The following NYAP2 variants were observed in gnomAD, a reference collection of about 807,000 sequenced individuals.
NYAP2 encodes the protein neuronal tyrosine-phosphorylated phosphoinositide-3-kinase adapter 2.
A neutral mutation model predicts 50.4 loss-of-function variants in NYAP2; 23 were observed. The ratio of observed to expected loss-of-function variants is 0.46; its 90% CI spans 0.33 to 0.65. The LOEUF (loss-of-function observed/expected upper bound fraction) is 0.65. Among genes scored for constraint, NYAP2 ranks in the 30% least tolerant of loss-of-function variants. The pLI is 0.02. For synonymous variants in NYAP2, 394 were observed against 365.2 expected (o/e 1.08, Z -0.90); for missense variants, 885 against 861.0 (o/e 1.03, Z -0.35).
At chr2:225,513,174 T>C (rs1223852574) in intron 3 of NYAP2, among the ~76,000 whole-genome samples, 197 bp from the exon 4 acceptor site, 1 of 152,222 alleles carries the variant, frequency 6.6e-6, no homozygotes, top group Non-Finnish European at 1.5e-5. Context: ...GTATTTTTTC[T>C]TTCCTTTGGG....
At chr2:225,439,641 GA>G (rs1168345631) in intron 3 of NYAP2, among the ~76,000 whole-genome samples, 1 of 152,182 alleles carries the variant, frequency 6.6e-6, no homozygotes, top group African/African-American at 2.4e-5. Context: ...ACATGGAGTG[GA>G]GGGGGACAAC....
chr2:225,684,562 T>C, the NYAP2 span, among the ~76,000 whole-genome samples: 12 of 147,658 alleles, frequency 8.1e-5, no homozygotes, highest in East Asian at 2.4e-3. Context: ...AGTTTTTTTG[T>C]TTTTTTTTTG....
At chr2:225,440,591 CTT>C (rs1022440595) in intron 3 of NYAP2, among the ~76,000 whole-genome samples, 15 of 151,986 alleles carry the variant, frequency 9.9e-5, no homozygotes, top group African/African-American at 3.4e-4. Context: ...AGTAAAAAGA[CTT>C]AAGAGCAAGA....
rs541206085 is a variant in NYAP2, at chr2:225,439,031, G to A, written c.221+29930G>A. ...TCAGAGGATGCATACATCTGCATGT[G>A]AGTTGGTATAAGTTGGTGTAAATAT... On this transcript the variant is annotated intron_variant, in intron 3 of 6. Transcript: ENST00000636099. 1.6e-4 allele frequency among the ~76,000 whole-genome samples: 25 copies of A among 152,324 alleles called. 1 individual carries two copies. Among genetic ancestry groups the A allele is most frequent in the Middle Eastern group, 6.8e-3 (2 of 294 alleles).
chr2:225,422,904 G>A (rs1381000131), intron 3 of NYAP2, among the ~76,000 whole-genome samples: 2 of 152,022 alleles, frequency 1.3e-5, no homozygotes, highest in Non-Finnish European at 2.9e-5. Flanking sequence ...CCAATGGCTA[G>A]CTATCAGAAG....
At chr2:225,502,621 A>C (rs1051355119) in intron 3 of NYAP2, among the ~76,000 whole-genome samples, 3 of 152,210 alleles carry the variant, frequency 2.0e-5, no homozygotes, top group Non-Finnish European at 2.9e-5. Flanking sequence ...ATTTCTATAG[A>C]TCCCCACTGC....
chr2:225,420,438 G>A (rs1416205628), intron 3 of NYAP2, among the ~76,000 whole-genome samples: 1 of 151,992 alleles, frequency 6.6e-6, no homozygotes, highest in Non-Finnish European at 1.5e-5. Context: ...TTTTTTTATA[G>A]TTTGATTTCT....
At chr2:225,501,219 T>G (rs1376100537) in intron 3 of NYAP2, among the ~76,000 whole-genome samples, 2 of 152,212 alleles carry the variant, frequency 1.3e-5, no homozygotes, top group East Asian at 3.9e-4. Flanking sequence ...GGCTTAAGGT[T>G]TGAGAGTAAA....
Position 225,574,440 on chromosome 2 carries a change from G to A in NYAP2, c.524-7501G>A, listed in dbSNP as rs139462589. Among the ~76,000 whole-genome samples, 35 of 152,292 alleles carry A rather than the reference G, an allele frequency of 2.3e-4. No homozygotes were observed. The East Asian group carries it at 3.5e-3, about 15-fold the overall frequency. ...TTTTCCTCCCTGGTTTTGATTATCTGTGGTTCTTGATTTTGCTCTCTAAGC... is the reference window on the plus strand; with the variant it reads ...TTTTCCTCCCTGGTTTTGATTATCTATGGTTCTTGATTTTGCTCTCTAAGC... On this transcript the variant is annotated intron_variant, in intron 4 of 6. Transcript: ENST00000636099.
the NYAP2 span, among the ~76,000 whole-genome samples, chr2:225,665,172 A>G: frequency 5.3e-5 from 8 of 152,102 alleles, no homozygotes; most frequent in Non-Finnish European, 1.2e-4. Flanking sequence ...AAAATTTTGC[A>G]TAAGTTTATT....
Position 225,492,197 on chromosome 2 carries a change from G to A in NYAP2, c.222-21174G>A, listed in dbSNP as rs114976551. ...GTGACTGTTCCTTTGCCGGTTGATT[G>A]TAGGAAGCATCTATGTCAGAACCAT... On this transcript the variant is annotated intron_variant, in intron 3 of 6. Coordinates refer to ENST00000636099, the Ensembl canonical transcript of NYAP2. Among the ~76,000 whole-genome samples the A allele has an allele frequency of 4.7e-3, 723 of 152,314 alleles. 6 individuals carry two copies. The highest frequency in any genetic ancestry group is 0.017 in the African/African-American group (694 of 41,562).
intron 3 of NYAP2, among the ~76,000 whole-genome samples, chr2:225,481,711 A>G (rs1336687709): frequency 6.6e-6 from 1 of 152,182 alleles, no homozygotes; most frequent in Admixed American, 6.6e-5. Context: ...GAAAGCCACA[A>G]ATGCAAAATA....
At chr2:225,645,899 GA>G (rs67702463) in intron 6 of NYAP2, among the ~76,000 whole-genome samples, 86,658 of 151,762 alleles carry the variant, frequency 0.57, 24,902 homozygotes, top group Admixed American at 0.68. Context: ...TAGATGCACA[GA>G]TCCTAAAGGA....
the NYAP2 span, among the ~76,000 whole-genome samples, chr2:225,678,438 T>G: frequency 2.3e-4 from 35 of 152,146 alleles, no homozygotes; most frequent in Admixed American, 1.2e-3. Context: ...TTTTATTTAT[T>G]TATGTATTTA....
chr2:225,612,910 G>A (rs1692925633), intron 5 of NYAP2, among the ~76,000 whole-genome samples: 1 of 59,766 alleles, frequency 1.7e-5, no homozygotes, highest in Non-Finnish European at 4.2e-5. Flanking sequence ...CACATATTCA[G>A]TCCATAACAG....
the NYAP2 span, among the ~76,000 whole-genome samples, chr2:225,666,175 T>C: frequency 2.0e-5 from 3 of 152,292 alleles, no homozygotes; most frequent in East Asian, 5.8e-4. Context: ...CCTACTTTAA[T>C]GCCAAATTGT....
chr2:225,422,312 A>G (rs1350976719), intron 3 of NYAP2, among the ~76,000 whole-genome samples: 1 of 152,222 alleles, frequency 6.6e-6, no homozygotes, highest in Non-Finnish European at 1.5e-5. Flanking sequence ...GAAGCTGTGC[A>G]ATCAATCTGC....
At chr2:225,495,254 G>A (rs972119605) in intron 3 of NYAP2, among the ~76,000 whole-genome samples, 1 of 152,108 alleles carries the variant, frequency 6.6e-6, no homozygotes. Context: ...ACACTATGAA[G>A]TGAATTTGGG....
the NYAP2 span, among the ~76,000 whole-genome samples, chr2:225,662,396 CCA>C: frequency 6.6e-6 from 1 of 152,212 alleles, no homozygotes; most frequent in Non-Finnish European, 1.5e-5. Context: ...ATATCCTCGC[CCA>C]CACATGCACA....
Sources: gnomAD v4.1 joint callset for allele counts (sites outside exome capture counted in the v4.1 genomes callset) on GRCh38, gnomAD v4.1.1 for gene constraint, MANE v1.5 for transcripts, NCBI Gene and HGNC (gene_info 2026-07-23, HGNC 2026-07-21) for gene names.